The following SMOX variants were observed in gnomAD, a reference collection of about 807,000 sequenced individuals.
SMOX encodes the protein flavin containing amine oxidase.
A neutral mutation model predicts 51.0 loss-of-function variants in SMOX; 22 were observed. The observed-to-expected ratio is 0.43, with a 90% CI of 0.31 to 0.62. The LOEUF is 0.62. Ranked by LOEUF, SMOX falls within the 20% of genes least tolerant of loss-of-function variation. The pLI is 0.10. For synonymous variants in SMOX, 282 were observed against 307.8 expected (o/e 0.92, Z 0.88); for missense variants, 566 against 777.7 (o/e 0.73, Z 3.24).
rs183496994 is a variant in SMOX at position 4,170,404 on chromosome 20, C to T, written c.-26-4626C>T. On this transcript the variant is annotated intron_variant, in intron 1 of 6. Coordinates refer to ENST00000305958, the MANE Select transcript of SMOX (RefSeq NM_175839.3). The surrounding 1 kb of genome is among the most constrained non-coding windows in gnomAD (Gnocchi z 4.6). Reference sequence around the variant, plus strand: ...CTTGGCAGGGTCAGACGTTGGAGACCAGGACTAACGCGTGTCTCTCTAGTA... The same window carrying T: ...CTTGGCAGGGTCAGACGTTGGAGACTAGGACTAACGCGTGTCTCTCTAGTA... 1.1e-3 allele frequency among the ~76,000 whole-genome samples: 165 copies of T among 152,182 alleles called. No individual in the cohort carries two copies. Among genetic ancestry groups the T allele is most frequent in the Non-Finnish European group, 2.1e-3 (143 of 68,018 alleles).
intron 1 of SMOX, among the ~76,000 whole-genome samples, chr20:4,169,302 C>T (rs1457154695): frequency 6.6e-6 from 1 of 152,042 alleles, no homozygotes; most frequent in Non-Finnish European, 1.5e-5. Flanking sequence ...TGTAATAGCT[C>T]TGGCCACACC....
rs1985852496 is a variant in SMOX, at chr20:4,153,289, T to A, written c.-27+4312T>A. Among the ~76,000 whole-genome samples the A allele has an allele frequency of 6.6e-6, 1 of 152,020 alleles. No homozygotes were observed. Among genetic ancestry groups the A allele is most frequent in the African/African-American group, 2.4e-5 (1 of 41,448 alleles). ...CATTAGAATGTCACCCTTCTGGGTT[T>A]AGCATTGCCCTCGTCATCTGCCTGT... On this transcript the variant is annotated intron_variant, in intron 1 of 6. Transcript: ENST00000305958. The surrounding 1 kb of genome is among the most constrained non-coding windows in gnomAD (Gnocchi z 4.4).
In SMOX at chr20:4,182,602, C is replaced by T. The variant is rs769873295; in HGVS notation, c.1123C>T (p.Pro375Ser). Residue 375 changes from proline to serine, a missense_variant, in exon 5 of 7, where the codon CCC becomes TCC. Physicochemically the swap from Pro to Ser is moderately conservative, Grantham distance 74 (BLOSUM62 -1). Around this residue, in one of 3 missense-constraint regions of SMOX, gnomAD observed 347 missense variants for 481.8 expected, o/e 0.72. Coordinates refer to ENST00000305958, the MANE Select transcript of SMOX (RefSeq NM_175839.3). This position sits in a 1 kb window ranked among gnomAD's most constrained non-coding sequence, Gnocchi z 8.4. ...CAAGATCTTTCTGGAATTCGAGGAG[C>T]CCTTCTGGGGCCCTGAGTGCAACAG... is the stretch of plus-strand genomic sequence containing the variant. ...TDKIFLEFEE[P>S]FWGPECNSLQ... 6.2e-7 allele frequency: 1 copy of T among 1,614,084 alleles called. No individual in the cohort carries two copies.
Position 4,158,099 on chromosome 20 carries a change from A to G in SMOX, c.-27+9122A>G, listed in dbSNP as rs1444070039. Among the ~76,000 whole-genome samples, 6 of 148,582 alleles carry G rather than the reference A, an allele frequency of 4.0e-5. 1 individual carries two copies. Among genetic ancestry groups the G allele is most frequent in the African/African-American group, 1.5e-4 (6 of 40,422 alleles). ...GTATTTTTAGTAGAGATGGTGTTTCACCTTGTTAGCCAGGATGGTCTCGAT... is the reference window on the plus strand; with the variant it reads ...GTATTTTTAGTAGAGATGGTGTTTCGCCTTGTTAGCCAGGATGGTCTCGAT... On this transcript the variant is annotated intron_variant, in intron 1 of 6. Transcript: ENST00000305958.
chr20:4,152,257 A>T (rs942776626), intron 1 of SMOX, among the ~76,000 whole-genome samples: 1 of 151,392 alleles, frequency 6.6e-6, no homozygotes, highest in African/African-American at 2.4e-5. Flanking sequence ...TGGGAGGGAG[A>T]TTCTCTAGCT....
Position 4,182,548 on chromosome 20 carries a change from A to T in SMOX, c.1069A>T (p.Ile357Phe). Reference protein sequence around the residue: ...PGLPTEKVAAIHRLGIGTTDK... With the variant: ...PGLPTEKVAAFHRLGIGTTDK... ...CCTGCCCACAGAGAAGGTGGCTGCC[A>T]TCCACCGCCTGGGCATTGGCACCAC... Residue 357 changes from isoleucine (I) to phenylalanine (F), a missense_variant, in exon 5 of 7, where the codon ATC (isoleucine) becomes TTC (phenylalanine). Transcript: ENST00000305958. This position sits in a 1 kb window ranked among gnomAD's most constrained non-coding sequence, Gnocchi z 8.4. The T allele has an allele frequency of 6.2e-7, 1 of 1,613,830 alleles. No individual in the cohort carries two copies. Among genetic ancestry groups the T allele is most frequent in the Non-Finnish European group, 8.5e-7 (1 of 1,179,882 alleles).
chr20:4,177,407 A>G lies in SMOX; in HGVS notation c.265A>G (p.Ile89Val), dbSNP rs750973072. ...TWIHGSHGNP[I>V]YHLAEANGLL... is the part of the protein sequence containing the mutation. ...GATCCATGGCTCCCATGGGAACCCT[A>G]TCTATCATCTAGCAGAAGCCAACGG... is the stretch of plus-strand genomic sequence containing the variant. Residue 89 changes from isoleucine to valine, a missense_variant, in exon 3 of 7, where the codon ATC becomes GTC. Ile to Val is a conservative substitution (Grantham distance 29, BLOSUM62 3). Transcript: ENST00000305958. The surrounding 1 kb of genome is among the most constrained non-coding windows in gnomAD (Gnocchi z 4.3). The G allele has an allele frequency of 1.7e-5, 27 of 1,557,352 alleles. No homozygotes were observed. Among genetic ancestry groups the G allele is most frequent in the African/African-American group, 1.4e-5 (1 of 73,482 alleles).
chr20:4,167,225 T>C lies in SMOX; in HGVS notation c.-26-7805T>C, dbSNP rs1234430354. ...ATGTGAGGTGCCTGCATGATGTCAG[T>C]GTCAAGGTCCAGCCTGATAGTAGGG... On this transcript the variant is annotated intron_variant, in intron 1 of 6. Coordinates refer to ENST00000305958, the MANE Select transcript of SMOX (RefSeq NM_175839.3). The surrounding 1 kb of genome is among the most constrained non-coding windows in gnomAD (Gnocchi z 4.8). Among the ~76,000 whole-genome samples the C allele has an allele frequency of 6.6e-6, 1 of 152,058 alleles. No individual in the cohort carries two copies. Among genetic ancestry groups the C allele is most frequent in the Non-Finnish European group, 1.5e-5 (1 of 68,010 alleles).
intron 3 of SMOX, among the ~76,000 whole-genome samples, chr20:4,180,529 A>G (rs1355483102): frequency 6.6e-6 from 1 of 152,208 alleles, no homozygotes; most frequent in Non-Finnish European, 1.5e-5. Context: ...AGCTGTGGGC[A>G]TGTGATCCTG....
rs991090030 is a variant in SMOX, at chr20:4,181,905, A to C, written c.538A>C (p.Ile180Leu). 1.2e-6 allele frequency: 2 copies of C among 1,614,062 alleles called. No homozygotes were observed. Among genetic ancestry groups the C allele is most frequent in the African/African-American group, 1.3e-5 (1 of 74,932 alleles). ...CACCCGAGAGGAGGTGCGTAACCGC[A>C]TCAGGAATGACCCTGACGACCCAGA... ...VFTREEVRNR[I>L]RNDPDDPEAT... Residue 180 changes from isoleucine (I) to leucine (L), a missense_variant, in exon 4 of 7, where the codon ATC becomes CTC. Physicochemically the swap from Ile to Leu is conservative, Grantham distance 5. Coordinates refer to ENST00000305958, the MANE Select transcript of SMOX (RefSeq NM_175839.3). This position sits in a 1 kb window ranked among gnomAD's most constrained non-coding sequence, Gnocchi z 5.6.
chr20:4,178,038 TTTG>T (rs913693096), intron 3 of SMOX, among the ~76,000 whole-genome samples: 3 of 152,148 alleles, frequency 2.0e-5, no homozygotes, highest in South Asian at 4.2e-4. Context: ...TATTTAATTT[TTTG>T]TTGTTGTTGT....
intron 2 of SMOX, among the ~76,000 whole-genome samples, chr20:4,175,585 C>T (rs1978774570): frequency 6.6e-6 from 1 of 152,188 alleles, no homozygotes; most frequent in Non-Finnish European, 1.5e-5. Context: ...AATTCTTCTG[C>T]AAGGTCCTAG....
At chr20:4,159,222 C>T (rs1490569877) in intron 1 of SMOX, among the ~76,000 whole-genome samples, 2 of 152,114 alleles carry the variant, frequency 1.3e-5, no homozygotes, top group Non-Finnish European at 2.9e-5. Context: ...AGCGATTCTC[C>T]TGCCTTAGCC....
chr20:4,181,658 G>A lies in SMOX; in HGVS notation c.436-145G>A. 3 of 984,274 alleles carry A rather than the reference G, an allele frequency of 3.0e-6. No individual in the cohort carries two copies. The highest frequency in any genetic ancestry group is 4.5e-6 in the Non-Finnish European group (3 of 673,182). 61.0% of individuals were successfully genotyped at this position (984,274 alleles called of 1,614,324 possible). ...CTTGGCTTTTGGTGCAGCATTGAGT[G>A]CAACATCGGATCCCTAAGGGACAGA... On this transcript the variant is annotated intron_variant, in intron 3 of 6. Transcript: ENST00000305958. This position sits in a 1 kb window ranked among gnomAD's most constrained non-coding sequence, Gnocchi z 5.6.
At chr20:4,164,299 C>A (rs2122449089) in intron 1 of SMOX, among the ~76,000 whole-genome samples, 1 of 152,334 alleles carries the variant, frequency 6.6e-6, no homozygotes, top group South Asian at 2.1e-4. Context: ...CAGTGACTAC[C>A]ACTAGTGTGC....
chr20:4,162,084 A>C (rs1986356198), intron 1 of SMOX, among the ~76,000 whole-genome samples: 2 of 151,882 alleles, frequency 1.3e-5, no homozygotes, highest in Non-Finnish European at 2.9e-5. Flanking sequence ...GCCTCCTGGC[A>C]GGTGTGCCTC....
chr20:4,158,716 G>A (rs1986155131), intron 1 of SMOX, among the ~76,000 whole-genome samples: 2 of 152,014 alleles, frequency 1.3e-5, no homozygotes, highest in African/African-American at 4.8e-5. Context: ...TCAGTTTCTG[G>A]GACATCTGTC....
intron 3 of SMOX, among the ~76,000 whole-genome samples, chr20:4,180,934 C>G (rs1045818826): frequency 1.3e-5 from 2 of 152,190 alleles, no homozygotes; most frequent in Admixed American, 1.3e-4. Context: ...CAAGCTGTGT[C>G]CTGCACAGAG....
At chr20:4,185,927 C>T (rs1979695387) in intron 6 of SMOX, among the ~76,000 whole-genome samples, 6 of 149,672 alleles carry the variant, frequency 4.0e-5, no homozygotes, top group Admixed American at 1.3e-4. Flanking sequence ...CCCCTGGCGC[C>T]CTAAACACAC....
Sources: allele counts gnomAD v4.1 joint callset (sites outside exome capture counted in the v4.1 genomes callset), GRCh38; gene constraint gnomAD v4.1.1; regional missense constraint gnomAD v4.1.1; non-coding constraint Gnocchi (gnomAD v3.1); transcripts MANE v1.5; gene names NCBI Gene and HGNC (gene_info 2026-07-23, HGNC 2026-07-21).